KDM4C: variants seen among roughly 807,000 people sequenced by gnomAD.
KDM4C encodes lysine-specific demethylase 4C.
A neutral mutation model predicts 129.3 loss-of-function variants in KDM4C; 81 were observed. That is an observed-to-expected ratio of 0.63 (90% CI 0.52 to 0.75). The LOEUF (loss-of-function observed/expected upper bound fraction) is 0.75, where lower values mean the gene tolerates loss of function less well. Among genes scored for constraint, KDM4C ranks in the 30% least tolerant of loss-of-function variants. The probability of loss-of-function intolerance (pLI) is 0.00; values close to 1 mark genes in which losing one functional copy is unlikely to be tolerated. For missense variants in KDM4C, 1,457 were observed against 1,304.0 expected (o/e 1.12, Z -1.81); for synonymous variants, 573 against 456.1 (o/e 1.26, Z -3.26).
At chr9:7,139,030 G>A (rs957396660) in intron 19 of KDM4C, among the ~76,000 whole-genome samples, 1 of 152,102 alleles carries the variant, frequency 6.6e-6, no homozygotes. Flanking sequence ...CCAGCACCTT[G>A]GGAGTTCGAG....
chr9:7,147,429 C>T (rs964880586), intron 19 of KDM4C, among the ~76,000 whole-genome samples: 10 of 152,166 alleles, frequency 6.6e-5, no homozygotes, highest in Admixed American at 3.9e-4. Context: ...TTGGAACTGA[C>T]ATGTATTTTT....
chr9:7,087,039 A>G (rs1835201356), intron 17 of KDM4C, among the ~76,000 whole-genome samples: 1 of 151,560 alleles, frequency 6.6e-6, no homozygotes, highest in Non-Finnish European at 1.5e-5. Flanking sequence ...GGAAAAGGGA[A>G]TGAATCAAGT....
At chr9:6,774,362 A>G (rs1416920564) in intron 1 of KDM4C, among the ~76,000 whole-genome samples, 1 of 151,844 alleles carries the variant, frequency 6.6e-6, no homozygotes, top group Non-Finnish European at 1.5e-5. Flanking sequence ...ATACAGAGGG[A>G]TTTCTTAAAG....
chr9:6,883,983 T>G (rs1239135319), intron 6 of KDM4C, among the ~76,000 whole-genome samples: 2 of 152,136 alleles, frequency 1.3e-5, no homozygotes, highest in Non-Finnish European at 2.9e-5. Context: ...ATTTTAAATC[T>G]CGGTTTTCTG....
chr9:7,127,792 G>C (rs10122311), intron 18 of KDM4C: 228,892 of 273,622 alleles, frequency 0.84, 96,305 homozygotes, highest in African/African-American at 0.91. Context: ...CATACATATT[G>C]TTTTCTCTCT....
chr9:7,104,934 G>T (rs578088523), intron 18 of KDM4C, among the ~76,000 whole-genome samples: 1 of 152,042 alleles, frequency 6.6e-6, no homozygotes, highest in East Asian at 2.0e-4. Flanking sequence ...TGTGGGCTGG[G>T]GATCTGGGCA....
intron 9 of KDM4C, 125 bp from the exon 10 acceptor site, chr9:6,984,041 G>T: frequency 1.6e-6 from 1 of 629,652 alleles, no homozygotes. Context: ...CATTGACTTG[G>T]CATAGTGATT....
intron 5 of KDM4C, among the ~76,000 whole-genome samples, chr9:6,852,024 A>G (rs1215573056): frequency 6.6e-6 from 1 of 152,196 alleles, no homozygotes; most frequent in Non-Finnish European, 1.5e-5. Flanking sequence ...TATAATGATA[A>G]AATAATAAAA....
intron 17 of KDM4C, among the ~76,000 whole-genome samples, chr9:7,071,601 T>C (rs556603422): frequency 1.4e-4 from 22 of 152,312 alleles, no homozygotes; most frequent in African/African-American, 5.1e-4. Context: ...TCCATACTCA[T>C]TTTATGTACA....
intron 1 of KDM4C, among the ~76,000 whole-genome samples, chr9:6,783,823 C>T (rs935257403): frequency 1.3e-5 from 2 of 152,092 alleles, no homozygotes; most frequent in African/African-American, 4.8e-5. Context: ...TGATTTCAAT[C>T]CATTGGTGGA....
intron 2 of KDM4C, among the ~76,000 whole-genome samples, chr9:6,796,338 G>A (rs1016722206): frequency 6.6e-6 from 1 of 152,156 alleles, no homozygotes; most frequent in African/African-American, 2.4e-5. Context: ...CCAGCTAATC[G>A]GGAGGCTGAG....
intron 5 of KDM4C, among the ~76,000 whole-genome samples, chr9:6,879,061 A>T (rs1311156489): frequency 6.6e-6 from 1 of 152,220 alleles, no homozygotes; most frequent in Non-Finnish European, 1.5e-5. Context: ...ATATGTTATC[A>T]GTAGCATTAA....
Position 6,986,684 on chromosome 9 carries a change from T to C in KDM4C, c.1677+18T>C. ...TCCCCAGTGTATGTGGCAATATCCATTTTTTACCATATTCATTATATGGTG... is the reference window on the plus strand; with the variant it reads ...TCCCCAGTGTATGTGGCAATATCCACTTTTTACCATATTCATTATATGGTG... On this transcript the variant is annotated intron_variant, in intron 11 of 21. Coordinates refer to ENST00000381309, the MANE Select transcript of KDM4C (RefSeq NM_015061.6). The C allele has an allele frequency of 1.3e-6, 2 of 1,547,480 alleles. No individual in the cohort carries two copies. The highest frequency in any genetic ancestry group is 1.8e-6 in the Non-Finnish European group (2 of 1,137,818).
rs369410132 is a variant in KDM4C at position 7,046,858 on chromosome 9, C to G, written c.2260-4C>G. 1.1e-5 allele frequency: 17 copies of G among 1,604,072 alleles called. No homozygotes were observed. The African/African-American group carries it at 2.3e-4, about 21-fold the overall frequency. On this transcript the variant is annotated splice_polypyrimidine_tract_variant and splice_region_variant and intron_variant, in intron 15 of 21. Transcript: ENST00000381309. ...CATCATGTGGTATTTTCTTTTCCCCCCAGGAATGCTGTCTCTGCAATTTGA... is the reference window on the plus strand; with the variant it reads ...CATCATGTGGTATTTTCTTTTCCCCGCAGGAATGCTGTCTCTGCAATTTGA...
chr9:6,725,887 A>G (rs1488189531), intron 1 of KDM4C, among the ~76,000 whole-genome samples: 1 of 125,532 alleles, frequency 8.0e-6, no homozygotes, highest in East Asian at 2.3e-4. Flanking sequence ...TTTAAAAAAT[A>G]TTTTTAGTAG....
intron 4 of KDM4C, among the ~76,000 whole-genome samples, chr9:6,839,767 T>G (rs891348072): frequency 3.9e-5 from 6 of 152,018 alleles, no homozygotes; most frequent in Non-Finnish European, 7.4e-5. Flanking sequence ...CTGGGTGTGG[T>G]GGCATGTGCC....
At chr9:6,873,905 AGAGAGAGAGC>A (rs1350030587) in intron 5 of KDM4C, among the ~76,000 whole-genome samples, 1 of 150,304 alleles carries the variant, frequency 6.7e-6, no homozygotes, top group Non-Finnish European at 1.5e-5. Context: ...CTTAGAGGCG[AGAGAGAGAGC>A]GAGAGAGAGA....
chr9:6,778,112 C>T (rs1192784885), intron 1 of KDM4C, among the ~76,000 whole-genome samples: 6 of 145,342 alleles, frequency 4.1e-5, no homozygotes, highest in Non-Finnish European at 9.0e-5. Context: ...TTTTTTGAGA[C>T]AGAGTCTTGC....
intron 8 of KDM4C, among the ~76,000 whole-genome samples, chr9:6,959,171 A>G (rs1328369146): frequency 1.3e-5 from 2 of 152,186 alleles, no homozygotes; most frequent in Non-Finnish European, 2.9e-5. Context: ...TTTTAAAAGA[A>G]GTAGGTGAGA....
Sources: allele counts gnomAD v4.1 joint callset (sites outside exome capture counted in the v4.1 genomes callset), GRCh38; gene constraint gnomAD v4.1.1; transcripts MANE v1.5; gene names NCBI Gene and HGNC (gene_info 2026-07-23, HGNC 2026-07-21).